Variants in GPIHBP1 observed in about 807,000 individuals in gnomAD.
The protein encoded by GPIHBP1 is glycosylphosphatidylinositol anchored high density lipoprotein binding protein 1, also known as glycosylphosphatidylinositol-anchored high density lipoprotein-binding protein 1.
GPIHBP1 carries 11 observed loss-of-function variants against 13.0 expected under a neutral mutation model. That is an observed-to-expected ratio of 0.84 (90% CI 0.53 to 1.40). The LOEUF is 1.40. Ranked by LOEUF, GPIHBP1 falls within the 40% of genes most tolerant of loss-of-function variation. The pLI is 0.00. For synonymous variants in GPIHBP1, 106 were observed against 102.2 expected, an observed-to-expected ratio of 1.04 and a Z score of -0.22; for missense variants, 231 against 241.1, an observed-to-expected ratio of 0.96 and a Z score of 0.28.
rs776155987 is a variant in GPIHBP1, at chr8:143,213,841, G to GGAGGAA, written c.84_89dup (p.Glu28_Glu29dup). ...GGCCAGGGAGAGGGCAGACACAGCA[G>GGAGGAA]GAGGAAGAGGAAGAGGACGAGGACC... is the stretch of plus-strand genomic sequence containing the variant. On this transcript the variant is annotated inframe_insertion, in exon 2 of 4. Transcript: ENST00000622500. 9 of 1,563,794 alleles carry GGAGGAA rather than the reference G, an allele frequency of 5.8e-6. No homozygotes were observed. Among genetic ancestry groups the GGAGGAA allele is most frequent in the Middle Eastern group, 1.7e-4 (1 of 6,030 alleles).
In GPIHBP1 at chr8:143,215,010, C is replaced by T; in HGVS notation, c.182-3C>T. The T allele has an allele frequency of 6.4e-7, 1 of 1,561,564 alleles. No individual in the cohort carries two copies. Among genetic ancestry groups the T allele is most frequent in the South Asian group, 1.2e-5 (1 of 86,438 alleles). Reference sequence around the variant, plus strand: ...CCTCGGCCTGAGCCCGCCTTGTCCCCAGTGCTGCTGCGGTGCTACACCTGC... The same window carrying T: ...CCTCGGCCTGAGCCCGCCTTGTCCCTAGTGCTGCTGCGGTGCTACACCTGC... On this transcript the variant is annotated splice_polypyrimidine_tract_variant and splice_region_variant and intron_variant, in intron 2 of 3. Coordinates refer to ENST00000622500, the MANE Select transcript of GPIHBP1 (RefSeq NM_178172.6).
chr8:143,213,240 A>C lies in GPIHBP1; in HGVS notation c.-28A>C. 1 of 1,583,634 alleles carries C rather than the reference A, an allele frequency of 6.3e-7. No individual in the cohort carries two copies. Among genetic ancestry groups the C allele is most frequent in the East Asian group, 2.3e-5 (1 of 44,030 alleles). On this transcript the variant is annotated 5_prime_UTR_variant, in exon 1 of 4. Coordinates refer to ENST00000622500, the MANE Select transcript of GPIHBP1 (RefSeq NM_178172.6). ...TCCAGAGCCCTGCGGGAGGACTCAG[A>C]GTCAGGGACACAGCAGCGTCCGGCG...
At chr8:143,215,158 C>A (rs1586695302) in intron 3 of GPIHBP1, 32 bp downstream of exon 3, 1 of 1,609,306 alleles carries the variant, frequency 6.2e-7, no homozygotes, top group African/African-American at 1.3e-5. Flanking sequence ...GCACATGCAC[C>A]CCCAGGCGGC....
rs1816299277 is a variant in GPIHBP1 at position 143,215,760 on chromosome 8, C to T, written c.*242C>T. On this transcript the variant is annotated 3_prime_UTR_variant, in exon 4 of 4. Transcript: ENST00000622500. The stretch of plus-strand genomic sequence containing the variant: ...GCACGTGGGCGCTGGGTCCAGACCT[C>T]GGCTGCCACGCCCCAGGACCTGCAG... 6 of 576,410 alleles carry T rather than the reference C, an allele frequency of 1.0e-5. No homozygotes were observed. The highest frequency in any genetic ancestry group is 1.9e-5 in the Non-Finnish European group (6 of 323,426). 35.7% of individuals were successfully genotyped at this position (576,410 alleles called of 1,614,324 possible). A position where few individuals can be genotyped will look rare whatever the true frequency, so the allele number is the denominator to read the frequency against.
At chr8:143,215,194 G>GCCC in intron 3 of GPIHBP1, 65 bp from the exon 4 acceptor site, 1 of 1,611,766 alleles carries the variant, frequency 6.2e-7, no homozygotes, top group South Asian at 1.1e-5. Flanking sequence ...CCGGAACAGA[G>GCCC]CCCTGCAGAG....
chr8:143,215,228 C>T (rs1308923175), intron 3 of GPIHBP1, 31 bp from the exon 4 acceptor site: 1 of 1,613,004 alleles, frequency 6.2e-7, no homozygotes, highest in Admixed American at 1.7e-5. Context: ...CCCGCCCATC[C>T]TCAGCACTTG....
At position 143,215,701 on chromosome 8, in the gene GPIHBP1, C is replaced by G. The variant is rs1280029538; in HGVS notation, c.*183C>G. ...CAGTTCCCGGCTGTGTCCTTGGTGT[C>G]CTTTCTCCACCACCTGTGAGCAGCA... On this transcript the variant is annotated 3_prime_UTR_variant, in exon 4 of 4. Coordinates refer to ENST00000622500, the MANE Select transcript of GPIHBP1 (RefSeq NM_178172.6). 1 of 610,692 alleles carries G rather than the reference C, an allele frequency of 1.6e-6. No individual in the cohort carries two copies. The highest frequency in any genetic ancestry group is 2.9e-6 in the Non-Finnish European group (1 of 347,070). 37.8% of individuals were successfully genotyped at this position (610,692 alleles called of 1,614,324 possible). A position where few individuals can be genotyped will look rare whatever the true frequency, so the allele number is the denominator to read the frequency against.
At chr8:143,213,498 C>A (rs544841510) in intron 1 of GPIHBP1, among the ~76,000 whole-genome samples, 179 bp downstream of exon 1, 1 of 151,972 alleles carries the variant, frequency 6.6e-6, no homozygotes, top group Non-Finnish European at 1.5e-5. Context: ...CAAATATCTG[C>A]GCCCCTGTTT....
chr8:143,215,194 G>A, intron 3 of GPIHBP1, 65 bp from the exon 4 acceptor site: 3 of 1,611,766 alleles, frequency 1.9e-6, no homozygotes, highest in Non-Finnish European at 2.5e-6. Flanking sequence ...CCGGAACAGA[G>A]CCCTGCAGAG....
chr8:143,216,994 CCTT>C lies in GPIHBP1; in HGVS notation c.*1479_*1481del, dbSNP rs1438108444. On this transcript the variant is annotated 3_prime_UTR_variant, in exon 4 of 4. Coordinates refer to ENST00000622500, the MANE Select transcript of GPIHBP1 (RefSeq NM_178172.6). ...TCACGTCTTTCTCCTTCTCCTTCCT[CCTT>C]CTGCTGGCTGAAGTGATGACTGGAG... 3 of 152,368 alleles carry C rather than the reference CCTT, an allele frequency of 2.0e-5. No homozygotes were observed. The highest frequency in any genetic ancestry group is 4.4e-5 in the Non-Finnish European group (3 of 68,138). The allele number at this position is 152,368 out of a possible 1,614,324, so 9.4% of individuals were successfully genotyped here.
At position 143,215,026 on chromosome 8, in the gene GPIHBP1, C is replaced by T; in HGVS notation, c.195C>T (p.Cys65=). The T allele has an allele frequency of 6.3e-7, 1 of 1,580,252 alleles. No individual in the cohort carries two copies. The highest frequency in any genetic ancestry group is 1.1e-5 in the South Asian group (1 of 87,870). The stretch of plus-strand genomic sequence containing the variant: ...CCTTGTCCCCAGTGCTGCTGCGGTG[C>T]TACACCTGCAAGTCCCTGCCCAGGG... ...PGGRSRVLLR[C]YTCKSLPRDE... is the part of the protein sequence containing the mutation. Residue 65 remains cysteine (C), a synonymous_variant, in exon 3 of 4, where the codon TGC becomes TGT. Transcript: ENST00000622500.
rs1816277907 is a variant in GPIHBP1 at position 143,214,945 on chromosome 8, A to T, written c.182-68A>T. On this transcript the variant is annotated intron_variant, in intron 2 of 3. Transcript: ENST00000622500. The surrounding 1 kb of genome is among the most constrained non-coding windows in gnomAD (Gnocchi z 4.1). Reference sequence around the variant, plus strand: ...TTTGGGAGCACAGCTGAGAACGGGGAGGTGGACAGGGACGTGGGAGGAGAC... The same window carrying T: ...TTTGGGAGCACAGCTGAGAACGGGGTGGTGGACAGGGACGTGGGAGGAGAC... The T allele has an allele frequency of 9.5e-7, 1 of 1,051,002 alleles. No individual in the cohort carries two copies. The highest frequency in any genetic ancestry group is 1.4e-5 in the South Asian group (1 of 73,078). 65.1% of individuals were successfully genotyped at this position (1,051,002 alleles called of 1,614,324 possible). A position where few individuals can be genotyped will look rare whatever the true frequency, so the allele number is the denominator to read the frequency against.
Position 143,215,586 on chromosome 8 carries a change from C to A in GPIHBP1, c.*68C>A. 2 of 1,265,088 alleles carry A rather than the reference C, an allele frequency of 1.6e-6. No homozygotes were observed. Among genetic ancestry groups the A allele is most frequent in the Non-Finnish European group, 2.2e-6 (2 of 917,964 alleles). 78.4% of individuals were successfully genotyped at this position (1,265,088 alleles called of 1,614,324 possible). A position where few individuals can be genotyped will look rare whatever the true frequency, so the allele number is the denominator to read the frequency against. The stretch of plus-strand genomic sequence containing the variant: ...TGCCAGCACTCTGTCTGGTACCTTC[C>A]CCTCCTGCCCCTGCACCAGCTTTGG... On this transcript the variant is annotated 3_prime_UTR_variant, in exon 4 of 4. Coordinates refer to ENST00000622500, the MANE Select transcript of GPIHBP1 (RefSeq NM_178172.6).
chr8:143,213,898 G>A lies in GPIHBP1; in HGVS notation c.129G>A (p.Glu43=). 6.4e-7 allele frequency: 1 copy of A among 1,552,014 alleles called. No homozygotes were observed. ...HGPDDYDEED[E]DEVEEEETNR... is the part of the protein sequence containing the mutation. ...CAGATGACTACGACGAGGAAGATGA[G>A]GATGAGGTGGAAGAGGAGGAGACCA... Residue 43 remains glutamate, a synonymous_variant, in exon 2 of 4, where the codon GAG becomes GAA. Transcript: ENST00000622500.
At position 143,213,808 on chromosome 8, in the gene GPIHBP1, C is replaced by A; in HGVS notation, c.53-14C>A. On this transcript the variant is annotated splice_polypyrimidine_tract_variant and intron_variant, in intron 1 of 3. Transcript: ENST00000622500. ...CCGGGTAGCTGAGGCTTACAAGCAT[C>A]CCTGCACGGCCAGGGAGAGGGCAGA... The A allele has an allele frequency of 6.4e-7, 1 of 1,572,620 alleles. No individual in the cohort carries two copies. The highest frequency in any genetic ancestry group is 1.2e-5 in the South Asian group (1 of 85,478).
At chr8:143,213,798 T>C in intron 1 of GPIHBP1, 24 bp from the exon 2 acceptor site, 1 of 1,574,716 alleles carries the variant, frequency 6.4e-7, no homozygotes, top group Non-Finnish European at 8.6e-7. Context: ...TAGCTGAGGC[T>C]TACAAGCATC....
In GPIHBP1 at chr8:143,213,685, G is replaced by A. The variant is rs1248388866; in HGVS notation, c.53-137G>A. Reference sequence around the variant, plus strand: ...GAGTAGGGTGAGTAGGGTGTTCAGGGTAGGGGCCCTCCCCAGCCACCCTGG... The same window carrying A: ...GAGTAGGGTGAGTAGGGTGTTCAGGATAGGGGCCCTCCCCAGCCACCCTGG... On this transcript the variant is annotated intron_variant, in intron 1 of 3. Transcript: ENST00000622500. 27 of 1,095,436 alleles carry A rather than the reference G, an allele frequency of 2.5e-5. No individual in the cohort carries two copies. In the African/African-American group the frequency reaches 4.0e-4, roughly 16 times the overall value. 67.9% of individuals were successfully genotyped at this position (1,095,436 alleles called of 1,614,324 possible).
At position 143,214,340 on chromosome 8, in the gene GPIHBP1, C is replaced by A. The variant is rs1470066558; in HGVS notation, c.181+390C>A. On this transcript the variant is annotated intron_variant, in intron 2 of 3. Transcript: ENST00000622500. The surrounding 1 kb of genome is among the most constrained non-coding windows in gnomAD (Gnocchi z 4.1). The stretch of plus-strand genomic sequence containing the variant: ...CAGGGGAGGGCTGGATTGGCTGCTG[C>A]GGGCTGGGGAGCCAGGGAACCGCTT... Among the ~76,000 whole-genome samples, 10 of 152,002 alleles carry A rather than the reference C, an allele frequency of 6.6e-5. No homozygotes were observed. The highest frequency in any genetic ancestry group is 6.6e-4 in the Admixed American group (10 of 15,260).
At chr8:143,213,973 G>A (rs987613255) in intron 2 of GPIHBP1, 23 bp downstream of exon 2, 2 of 1,549,650 alleles carry the variant, frequency 1.3e-6, no homozygotes, top group African/African-American at 2.7e-5. Flanking sequence ...CAACCCCAGA[G>A]CCCTGCTGCC....
Sources: gnomAD v4.1 joint callset for allele counts (sites outside exome capture counted in the v4.1 genomes callset) on GRCh38, gnomAD v4.1.1 for gene constraint, Gnocchi (gnomAD v3.1) non-coding constraint, MANE v1.5 for transcripts, NCBI Gene and HGNC (gene_info 2026-07-23, HGNC 2026-07-21) for gene names.